SMAD5: variants seen among roughly 807,000 people sequenced by gnomAD.
The protein encoded by SMAD5 is SMAD family member 5.
A neutral mutation model predicts 43.1 loss-of-function variants in SMAD5; 9 were observed. The observed-to-expected ratio is 0.21, with a 90% confidence interval of 0.13 to 0.36. The LOEUF (loss-of-function observed/expected upper bound fraction) is 0.36. Ranked by LOEUF, SMAD5 falls within the 10% of genes least tolerant of loss-of-function variation. SMAD5 has a pLI of 1.00. For synonymous variants in SMAD5, 190 were observed against 192.4 expected (o/e 0.99, Z 0.10); for missense variants, 348 against 574.0 (o/e 0.61, Z 4.02).
Position 136,151,728 on chromosome 5 carries a change from TGTTC to T in SMAD5, c.-169-1863_-169-1860del, listed in dbSNP as rs565792514. Among the ~76,000 whole-genome samples, 516 of 152,168 alleles carry T rather than the reference TGTTC, an allele frequency of 3.4e-3. 7 individuals carry two copies. Among genetic ancestry groups the T allele is most frequent in the African/African-American group, 0.012 (480 of 41,524 alleles). ...TATCTAGCCCCCCATTATATTCTAG[TGTTC>T]ATGAATCAGTCAGCCAGGCCTGTCT... On this transcript the variant is annotated intron_variant, in intron 2 of 7. Coordinates refer to ENST00000545279, the MANE Select transcript of SMAD5 (RefSeq NM_005903.7).
In SMAD5 at chr5:136,167,876, C is replaced by CT. The variant is rs377302187; in HGVS notation, c.775+4494dup. ...CCTTGGTGTTATTTTATTCCTGCCC[C>CT]TTTTTTTTTGAGACGGAATCTCGCT... On this transcript the variant is annotated intron_variant, in intron 5 of 7. Transcript: ENST00000545279. Among the ~76,000 whole-genome samples the CT allele has an allele frequency of 1.5e-4, 22 of 151,012 alleles. No individual in the cohort carries two copies. In the South Asian group the frequency reaches 2.3e-3, roughly 16 times the overall value.
At chr5:136,174,716 A>G in intron 7 of SMAD5, 84 bp downstream of exon 7, 1 of 943,668 alleles carries the variant, frequency 1.1e-6, no homozygotes, top group South Asian at 1.7e-5. Context: ...AAATTGTTAA[A>G]TGAAAGTTGA....
chr5:136,179,656 A>G lies in SMAD5; in HGVS notation c.*2176A>G, dbSNP rs1307719021. ...CTTTCTGACAGTCACCTGAGCCTTAAATGTAAGTATTACATGACATGCATT... is the reference window on the plus strand; with the variant it reads ...CTTTCTGACAGTCACCTGAGCCTTAGATGTAAGTATTACATGACATGCATT... On this transcript the variant is annotated 3_prime_UTR_variant, in exon 8 of 8. Transcript: ENST00000545279. The G allele has an allele frequency of 6.6e-6, 1 of 151,722 alleles. No individual in the cohort carries two copies. Among genetic ancestry groups the G allele is most frequent in the Non-Finnish European group, 1.5e-5 (1 of 67,970 alleles). The allele number at this position is 151,722 out of a possible 1,614,324, so 9.4% of individuals were successfully genotyped here. A position where few individuals can be genotyped will look rare whatever the true frequency, so the allele number is the denominator to read the frequency against.
chr5:136,155,495 A>G (rs1479948669), intron 3 of SMAD5, among the ~76,000 whole-genome samples: 2 of 152,202 alleles, frequency 1.3e-5, no homozygotes, highest in African/African-American at 2.4e-5. Context: ...TTTCCACACA[A>G]CAGCCAGAAT....
Position 136,143,266 on chromosome 5 carries a change from C to CTT in SMAD5, c.-244-4553_-244-4552dup, listed in dbSNP as rs71583248. Among the ~76,000 whole-genome samples the CTT allele has an allele frequency of 5.6e-4, 79 of 141,994 alleles. 1 individual carries two copies. The highest frequency in any genetic ancestry group is 1.4e-3 in the African/African-American group (56 of 38,814). 93.2% of individuals were successfully genotyped at this position (141,994 alleles called of 152,430 possible). A position where few individuals can be genotyped will look rare whatever the true frequency, so the allele number is the denominator to read the frequency against. On this transcript the variant is annotated intron_variant, in intron 1 of 7. Transcript: ENST00000545279. The stretch of plus-strand genomic sequence containing the variant: ...TTTATTTGTGACATCCCTCGTATCT[C>CTT]TTTTTTTTTTTTTTATTTAATCACG...
chr5:136,150,715 G>A (rs1476599025), intron 2 of SMAD5, among the ~76,000 whole-genome samples: 1 of 151,808 alleles, frequency 6.6e-6, no homozygotes, highest in Non-Finnish European at 1.5e-5. Flanking sequence ...AGAGTAATGG[G>A]CAAGATTAGA....
At chr5:136,169,299 C>T (rs189802243) in intron 5 of SMAD5, among the ~76,000 whole-genome samples, 7 of 152,298 alleles carry the variant, frequency 4.6e-5, no homozygotes, top group Admixed American at 1.3e-4. Context: ...ATCCTAGCCA[C>T]GCTGGCAGCT....
At chr5:136,169,954 T>C (rs922039509) in intron 5 of SMAD5, among the ~76,000 whole-genome samples, 2 of 152,222 alleles carry the variant, frequency 1.3e-5, no homozygotes, top group Admixed American at 6.5e-5. Context: ...TGCCATACTT[T>C]AATCAGATTG....
Position 136,160,838 on chromosome 5 carries a change from T to A in SMAD5, c.404-18T>A. On this transcript the variant is annotated intron_variant, in intron 3 of 7. Coordinates refer to ENST00000545279, the MANE Select transcript of SMAD5 (RefSeq NM_005903.7). The stretch of plus-strand genomic sequence containing the variant: ...TTTAGTCATTCCTGACAAATGACTT[T>A]TGATTTTTGTTTTTCAGTCTTACCT... 6.2e-7 allele frequency: 1 copy of A among 1,611,972 alleles called. No individual in the cohort carries two copies. The highest frequency in any genetic ancestry group is 8.5e-7 in the Non-Finnish European group (1 of 1,178,270).
At chr5:136,148,257 C>T (rs17169880) in intron 2 of SMAD5, among the ~76,000 whole-genome samples, 53,237 of 150,122 alleles carry the variant, frequency 0.35, 10,247 homozygotes, top group African/African-American at 0.52. Flanking sequence ...TTAAGTTGTT[C>T]TTTTTTTTGC....
chr5:136,138,320 A>C lies in SMAD5; in HGVS notation c.-245+5358A>C, dbSNP rs555593834. ...CTCCTGAAGGGCTTTGAAATCTGCTATGAGAACTTCTTATGTCTTTGGAAA... is the reference window on the plus strand; with the variant it reads ...CTCCTGAAGGGCTTTGAAATCTGCTCTGAGAACTTCTTATGTCTTTGGAAA... On this transcript the variant is annotated intron_variant, in intron 1 of 7. Transcript: ENST00000545279. Among the ~76,000 whole-genome samples, 25 of 152,364 alleles carry C rather than the reference A, an allele frequency of 1.6e-4. 1 individual carries two copies. Among genetic ancestry groups the C allele is most frequent in the Middle Eastern group, 3.4e-3 (1 of 294 alleles).
chr5:136,150,118 T>C (rs1476239325), intron 2 of SMAD5, among the ~76,000 whole-genome samples: 1 of 151,906 alleles, frequency 6.6e-6, no homozygotes, highest in Non-Finnish European at 1.5e-5. Flanking sequence ...TCGTAATATT[T>C]AGGTGTTTAC....
chr5:136,150,674 T>G (rs530815645), intron 2 of SMAD5, among the ~76,000 whole-genome samples: 2 of 152,002 alleles, frequency 1.3e-5, no homozygotes, highest in Admixed American at 1.3e-4. Flanking sequence ...GGGCAGGGAT[T>G]TGGATTGGAT....
intron 4 of SMAD5, 123 bp from the exon 5 acceptor site, chr5:136,163,149 C>T (rs1405145565): frequency 1.4e-5 from 11 of 762,448 alleles, no homozygotes; most frequent in African/African-American, 5.4e-5. Context: ...TAGTATCCTA[C>T]ATTTTTTTGT....
intron 5 of SMAD5, among the ~76,000 whole-genome samples, chr5:136,170,577 C>T (rs1754183474): frequency 6.6e-6 from 1 of 152,046 alleles, no homozygotes; most frequent in African/African-American, 2.4e-5. Flanking sequence ...CTTTTACCTC[C>T]CCATATAAAG....
intron 5 of SMAD5, among the ~76,000 whole-genome samples, chr5:136,169,369 A>G (rs1195272514): frequency 6.6e-6 from 1 of 152,180 alleles, no homozygotes; most frequent in Non-Finnish European, 1.5e-5. Context: ...CACTGACTCA[A>G]ATGTTAATCT....
intron 7 of SMAD5, among the ~76,000 whole-genome samples, chr5:136,175,577 G>T (rs1176040702): frequency 6.6e-6 from 1 of 152,144 alleles, no homozygotes; most frequent in Non-Finnish European, 1.5e-5. Flanking sequence ...AATCTGAAAA[G>T]AATTTTAGTC....
At chr5:136,176,475 A>G (rs1754425002) in intron 7 of SMAD5, among the ~76,000 whole-genome samples, 2 of 149,830 alleles carry the variant, frequency 1.3e-5, no homozygotes, top group African/African-American at 4.9e-5. Flanking sequence ...AAAAAAAAAA[A>G]AAAAAAAAGA....
At chr5:136,175,641 T>G (rs1754389466) in intron 7 of SMAD5, among the ~76,000 whole-genome samples, 1 of 152,218 alleles carries the variant, frequency 6.6e-6, no homozygotes, top group Admixed American at 6.5e-5. Context: ...CTGTACTGTA[T>G]CTACATGGTT....
Sources: allele counts gnomAD v4.1 joint callset (sites outside exome capture counted in the v4.1 genomes callset), GRCh38; gene constraint gnomAD v4.1.1; transcripts MANE v1.5; gene names NCBI Gene and HGNC (gene_info 2026-07-23, HGNC 2026-07-21).